CRELD2: variants seen among roughly 807,000 people sequenced by gnomAD.
The protein encoded by CRELD2 is protein disulfide isomerase CRELD2.
A neutral mutation model predicts 48.1 loss-of-function variants in CRELD2; 33 were observed. That is an observed-to-expected ratio of 0.69 (90% CI 0.52 to 0.92). The LOEUF (loss-of-function observed/expected upper bound fraction) is 0.92. Ranked by LOEUF, CRELD2 falls within the 40% of genes least tolerant of loss-of-function variation. The pLI is 0.00. For missense variants in CRELD2, 477 were observed against 482.4 expected, an observed-to-expected ratio of 0.99 and a Z score of 0.10; for synonymous variants, 220 against 203.9, an observed-to-expected ratio of 1.08 and a Z score of -0.67.
At chr22:49,921,407 C>A in intron 4 of CRELD2, 178 bp from the exon 5 acceptor site, 1 of 661,952 alleles carries the variant, frequency 1.5e-6, no homozygotes, top group Non-Finnish European at 2.5e-6. Flanking sequence ...TCAGGCGATC[C>A]ACCGCCAGCC....
At chr22:49,924,724 G>A (rs1180001603) in intron 8 of CRELD2, 7 of 289,664 alleles carry the variant, frequency 2.4e-5, no homozygotes, top group Admixed American at 5.1e-5. Flanking sequence ...CAGGTCCACC[G>A]CCTCTGCTCT....
rs765805507 is a variant in CRELD2, at chr22:49,925,404, C to G, written c.869-13C>G. Reference sequence around the variant, plus strand: ...AGCAAAGTAATTATTAAAACGGAGTCTTTTCATTTTAGATGTGGACGAGTG... The same window carrying G: ...AGCAAAGTAATTATTAAAACGGAGTGTTTTCATTTTAGATGTGGACGAGTG... On this transcript the variant is annotated splice_polypyrimidine_tract_variant and intron_variant, in intron 8 of 9. Coordinates refer to ENST00000328268, the MANE Select transcript of CRELD2 (RefSeq NM_024324.5). The G allele has an allele frequency of 1.3e-6, 2 of 1,538,992 alleles. No homozygotes were observed.
intron 4 of CRELD2, 76 bp from the exon 5 acceptor site, chr22:49,921,509 T>C (rs1406236467): frequency 6.9e-7 from 1 of 1,452,978 alleles, no homozygotes; most frequent in African/African-American, 1.4e-5. Context: ...TTGGGTGCCA[T>C]GCGTTCTCTC....
rs2060668005 is a variant in CRELD2, at chr22:49,920,169, C to A, written c.337C>A (p.Pro113Thr). The change falls in exon 4 of 10, where the codon CCT becomes ACT. Residue 113 changes from proline to threonine, a missense_variant. Physicochemically the swap from Pro to Thr is conservative, Grantham distance 38. Coordinates refer to ENST00000328268, the MANE Select transcript of CRELD2 (RefSeq NM_024324.5). ...CTCCATCCTCAGGAAGAGCGAATATCCTGACTTATTCGAGTGGTTTTGTGT... is the reference window on the plus strand; with the variant it reads ...CTCCATCCTCAGGAAGAGCGAATATACTGACTTATTCGAGTGGTTTTGTGT... ...AWWLQLKSEY[P>T]DLFEWFCVKT... is the part of the protein sequence containing the mutation. 1 of 1,610,772 alleles carries A rather than the reference C, an allele frequency of 6.2e-7. No homozygotes were observed. The highest frequency in any genetic ancestry group is 8.5e-7 in the Non-Finnish European group (1 of 1,177,270).
chr22:49,919,052 G>T (rs1257686873), intron 1 of CRELD2, among the ~76,000 whole-genome samples, 154 bp downstream of exon 1: 1 of 152,030 alleles, frequency 6.6e-6, no homozygotes, highest in East Asian at 1.9e-4. Flanking sequence ...CGTCGATCCA[G>T]AGTCCCTCCA....
chr22:49,921,553 G>A (rs2060687011), intron 4 of CRELD2, 32 bp from the exon 5 acceptor site: 2 of 1,601,552 alleles, frequency 1.2e-6, no homozygotes, highest in African/African-American at 2.7e-5. Flanking sequence ...ACCACCAGGT[G>A]TGCTCTGAGC....
chr22:49,921,754 C>T lies in CRELD2; in HGVS notation c.585C>T (p.Ile195=). ...FSSLRNETHS[I]CTACDESCKT... is the part of the protein sequence containing the mutation. Reference sequence around the variant, plus strand: ...CGCTCCGGAACGAGACCCACAGCATCTGCACAGGTACGGGCTACGCCTGGG... The same window carrying T: ...CGCTCCGGAACGAGACCCACAGCATTTGCACAGGTACGGGCTACGCCTGGG... Residue 195 remains isoleucine, a synonymous_variant, in exon 5 of 10, where the codon ATC becomes ATT. Coordinates refer to ENST00000328268, the MANE Select transcript of CRELD2 (RefSeq NM_024324.5). 6.2e-7 allele frequency: 1 copy of T among 1,611,664 alleles called. No homozygotes were observed. Among genetic ancestry groups the T allele is most frequent in the Non-Finnish European group, 8.5e-7 (1 of 1,179,300 alleles).
At chr22:49,918,982 AGGGTCGCCCTCACCCTGGATCCG>A (rs1274592801) in intron 1 of CRELD2, 84 bp downstream of exon 1, 6 of 1,185,198 alleles carry the variant, frequency 5.1e-6, no homozygotes, top group South Asian at 1.7e-5. Context: ...CCTTGGGCCC[AGGGTCGCCCTCACCCTGGATCCG>A]GGGTCCCCCT....
chr22:49,924,899 A>T, intron 8 of CRELD2: 1 of 162,024 alleles, frequency 6.2e-6, no homozygotes, highest in South Asian at 1.5e-4. Context: ...TGGGAGGCTG[A>T]GGCGGGGGGA....
At chr22:49,922,453 A>C (rs2060700810) in intron 5 of CRELD2, 159 bp from the exon 6 acceptor site, 1 of 1,574,222 alleles carries the variant, frequency 6.4e-7, no homozygotes, top group South Asian at 1.1e-5. Context: ...GGTTATTAAA[A>C]ATTCCTTGGA....
chr22:49,923,880 A>G (rs2060729397), intron 7 of CRELD2: 1 of 239,890 alleles, frequency 4.2e-6, no homozygotes, highest in African/African-American at 2.3e-5. Flanking sequence ...TGCCCCAGAA[A>G]AGTTGTGCTG....
chr22:49,923,584 C>G (rs78134869), intron 7 of CRELD2: 2 of 572,330 alleles, frequency 3.5e-6, no homozygotes, highest in Non-Finnish European at 6.4e-6. Context: ...CCAGCGCCCC[C>G]GCAACGTGCC....
intron 7 of CRELD2, 86 bp from the exon 8 acceptor site, chr22:49,924,274 C>A: frequency 1.1e-6 from 1 of 883,544 alleles, no homozygotes; most frequent in Non-Finnish European, 1.8e-6. Flanking sequence ...CAAATCCTGG[C>A]GGCACCGGTG....
chr22:49,919,988 C>G, intron 3 of CRELD2, 148 bp downstream of exon 3: 9 of 807,090 alleles, frequency 1.1e-5, no homozygotes, highest in Non-Finnish European at 1.8e-5. Context: ...TTTTTATCAC[C>G]AGAGTCAGCG....
chr22:49,926,457 A>G (rs11090920), intron 9 of CRELD2: 34,953 of 152,242 alleles, frequency 0.23, 4,524 homozygotes, highest in African/African-American at 0.36. Flanking sequence ...AGCAGGACAA[A>G]TAAAAGCAAT....
rs2060639550 is a variant in CRELD2, at chr22:49,918,712, AG to A, written c.-57del. On this transcript the variant is annotated 5_prime_UTR_variant, in exon 1 of 10. Coordinates refer to ENST00000328268, the MANE Select transcript of CRELD2 (RefSeq NM_024324.5). Reference sequence around the variant, plus strand: ...AGCGGGTGGGCGGCCGGGAGGCCGGAGCAGCACGGCCGCAGGACCTGGAGCT... The same window carrying A: ...AGCGGGTGGGCGGCCGGGAGGCCGGACAGCACGGCCGCAGGACCTGGAGCT... 1 of 655,908 alleles carries A rather than the reference AG, an allele frequency of 1.5e-6. No homozygotes were observed. The highest frequency in any genetic ancestry group is 1.9e-5 in the African/African-American group (1 of 52,758). 40.6% of individuals were successfully genotyped at this position (655,908 alleles called of 1,614,324 possible). A position where few individuals can be genotyped will look rare whatever the true frequency, so the allele number is the denominator to read the frequency against.
chr22:49,921,539 G>A (rs781726847), intron 4 of CRELD2, 46 bp from the exon 5 acceptor site: 19 of 1,581,902 alleles, frequency 1.2e-5, no homozygotes, highest in Middle Eastern at 1.7e-4. Context: ...ACACCGCACC[G>A]GTCACCACCA....
chr22:49,919,130 C>T, intron 1 of CRELD2, 100 bp from the exon 2 acceptor site: 1 of 1,262,470 alleles, frequency 7.9e-7, no homozygotes, highest in Non-Finnish European at 1.1e-6. Flanking sequence ...GGGTCGACGC[C>T]ACCGTGGGCC....
rs1422516212 is a variant in CRELD2, at chr22:49,924,151, C to G, written c.773-209C>G. 3 of 496,916 alleles carry G rather than the reference C, an allele frequency of 6.0e-6. No individual in the cohort carries two copies. The South Asian group carries it at 7.3e-5, about 12-fold the overall frequency. The allele number at this position is 496,916 out of a possible 1,614,324, so 30.8% of individuals were successfully genotyped here. ...AAAGAGTTCCAAGCCAGGTGGTCTG[C>G]ACCATGGCTCTCCGGGAGCACCTGC... On this transcript the variant is annotated intron_variant, in intron 7 of 9. Transcript: ENST00000328268.
Sources: allele counts gnomAD v4.1 joint callset (sites outside exome capture counted in the v4.1 genomes callset), GRCh38; gene constraint gnomAD v4.1.1; transcripts MANE v1.5; gene names NCBI Gene and HGNC (gene_info 2026-07-23, HGNC 2026-07-21).